The following LAMC2 variants were observed in gnomAD, a reference collection of about 807,000 sequenced individuals.
LAMC2 encodes the protein laminin subunit gamma 2, also known as laminin subunit gamma-2.
In LAMC2, 97 loss-of-function variants were observed where a neutral mutation model predicts 140.2. The ratio of observed to expected loss-of-function variants is 0.69; its 90% CI spans 0.59 to 0.82. The LOEUF is 0.82. Ranked by LOEUF, LAMC2 falls within the 40% of genes least tolerant of loss-of-function variation. The pLI is 0.00. For synonymous variants in LAMC2, 513 were observed against 540.2 expected, an observed-to-expected ratio of 0.95 and a Z score of 0.70; for missense variants, 1,402 against 1,476.1, an observed-to-expected ratio of 0.95 and a Z score of 0.82.
In LAMC2 at chr1:183,202,037, T is replaced by A. The variant is rs142131532; in HGVS notation, c.80-5844T>A. ...TAAAAATTTATTGACTTAAAAAAAA[T>A]ACTAAAATTAGCTGGGTATGGTGGT... On this transcript the variant is annotated intron_variant, in intron 1 of 22. Coordinates refer to ENST00000264144, the MANE Select transcript of LAMC2 (RefSeq NM_005562.3). 2.0e-5 allele frequency among the ~76,000 whole-genome samples: 3 copies of A among 151,828 alleles called. No individual in the cohort carries two copies. In the East Asian group the frequency reaches 5.8e-4, roughly 29 times the overall value.
intron 20 of LAMC2, 108 bp from the exon 21 acceptor site, chr1:183,239,932 T>G: frequency 8.3e-7 from 1 of 1,202,622 alleles, no homozygotes; most frequent in Non-Finnish European, 1.2e-6. Context: ...TCTAATTTAC[T>G]CCATCAGGGC....
chr1:183,215,708 A>C, intron 3 of LAMC2, 120 bp downstream of exon 3: 1 of 1,203,252 alleles, frequency 8.3e-7, no homozygotes, highest in Admixed American at 1.7e-5. Flanking sequence ...TTGAGAGTAC[A>C]TCATTTGGGC....
chr1:183,220,659 T>C (rs1305858555), intron 4 of LAMC2, among the ~76,000 whole-genome samples, 166 bp from the exon 5 acceptor site: 1 of 152,012 alleles, frequency 6.6e-6, no homozygotes, highest in Non-Finnish European at 1.5e-5. Flanking sequence ...ATTGTCCATC[T>C]GGTGGTCTGG....
At chr1:183,232,405 C>T (rs892936773) in intron 13 of LAMC2, 62 bp downstream of exon 13, 163 of 1,570,482 alleles carry the variant, frequency 1.0e-4, no homozygotes, top group Non-Finnish European at 1.3e-4. Context: ...GGAATGGCTA[C>T]GTTAGGTCAT....
chr1:183,256,672 T>C, the LAMC2 span, among the ~76,000 whole-genome samples: 2 of 152,336 alleles, frequency 1.3e-5, no homozygotes, highest in East Asian at 3.9e-4. Context: ...TGTATAAGCT[T>C]CATGTTGTGT....
In LAMC2 at chr1:183,188,221, T is replaced by A. The variant is rs140309242; in HGVS notation, c.79+1790T>A. ...TTCTCCCTCCTCAGAGGCCTTCATT[T>A]TTGGATTCAATGGGAATGTGAAGTT... On this transcript the variant is annotated intron_variant, in intron 1 of 22. Coordinates refer to ENST00000264144, the MANE Select transcript of LAMC2 (RefSeq NM_005562.3). 1.1e-3 allele frequency among the ~76,000 whole-genome samples: 167 copies of A among 152,264 alleles called. 1 individual carries two copies. The highest frequency in any genetic ancestry group is 3.9e-3 in the African/African-American group (164 of 41,542).
intron 12 of LAMC2, 87 bp downstream of exon 12, chr1:183,231,190 A>G (rs905791585): frequency 6.8e-7 from 1 of 1,472,440 alleles, no homozygotes; most frequent in African/African-American, 1.4e-5. Context: ...GATCTAGGAC[A>G]CTCCTAGTCT....
chr1:183,208,475 C>T (rs1459538430), intron 2 of LAMC2, among the ~76,000 whole-genome samples: 2 of 152,140 alleles, frequency 1.3e-5, no homozygotes, highest in Non-Finnish European at 2.9e-5. Context: ...ATTTGACCAA[C>T]CTCTTGAAAA....
At position 183,223,142 on chromosome 1, in the gene LAMC2, T is replaced by A; in HGVS notation, c.771T>A (p.Phe257Leu). ...DPVYFVAPAK[F>L]LGNQQVSYGQ... ...TAAAACTCTGTTTCACAGCCAAATTTCTTGGGAATCAACAGGTGAGCTATG... is the reference window on the plus strand; with the variant it reads ...TAAAACTCTGTTTCACAGCCAAATTACTTGGGAATCAACAGGTGAGCTATG... The change falls in exon 7 of 23, where the codon TTT (phenylalanine) becomes TTA (leucine). Residue 257 changes from phenylalanine (F) to leucine (L), a missense_variant. This residue lies in a region of LAMC2 where 723 missense variants were observed against 783.3 expected (regional missense o/e 0.92). Coordinates refer to ENST00000264144, the MANE Select transcript of LAMC2 (RefSeq NM_005562.3). The A allele has an allele frequency of 3.7e-6, 6 of 1,614,076 alleles. No homozygotes were observed. The highest frequency in any genetic ancestry group is 5.1e-6 in the Non-Finnish European group (6 of 1,179,992).
intron 3 of LAMC2, among the ~76,000 whole-genome samples, 180 bp from the exon 4 acceptor site, chr1:183,218,210 A>G (rs1473986698): frequency 1.3e-5 from 2 of 152,214 alleles, no homozygotes; most frequent in Non-Finnish European, 2.9e-5. Context: ...AGCACTGTGT[A>G]GGCAAGTGAG....
rs189822191 is a variant in LAMC2, at chr1:183,188,404, C to T, written c.79+1973C>T. 1.0e-3 allele frequency among the ~76,000 whole-genome samples: 159 copies of T among 152,282 alleles called. 1 individual carries two copies. Among genetic ancestry groups the T allele is most frequent in the African/African-American group, 3.6e-3 (151 of 41,556 alleles). ...AGAACCTAAAGCAGTGATGTTGCTT[C>T]CTGGTTGTTTCCTTGCAGTAGAAAT... is the stretch of plus-strand genomic sequence containing the variant. On this transcript the variant is annotated intron_variant, in intron 1 of 22. Transcript: ENST00000264144.
Position 183,200,290 on chromosome 1 carries a change from T to TGAG in LAMC2, c.80-7589_80-7587dup, listed in dbSNP as rs757554020. 2.0e-5 allele frequency among the ~76,000 whole-genome samples: 3 copies of TGAG among 151,910 alleles called. No homozygotes were observed. The East Asian group carries it at 5.8e-4, about 29-fold the overall frequency. ...CTGTAATCCCAGCTACTCGAGAGGC[T>TGAG]GAGGCAGGAGAATCACTTGAACCTG... is the stretch of plus-strand genomic sequence containing the variant. On this transcript the variant is annotated intron_variant, in intron 1 of 22. Transcript: ENST00000264144.
At chr1:183,252,681 T>C in the LAMC2 span, 1 of 1,614,146 alleles carries the variant, frequency 6.2e-7, no homozygotes, top group Non-Finnish European at 8.5e-7. Flanking sequence ...TTTGAGGATG[T>C]AGTCGATGAC....
chr1:183,252,929 T>C, the LAMC2 span, among the ~76,000 whole-genome samples: 1 of 152,238 alleles, frequency 6.6e-6, no homozygotes, highest in African/African-American at 2.4e-5. Context: ...TCATTCATCG[T>C]GGTTCTGCCA....
rs1160554965 is a variant in LAMC2, at chr1:183,240,040, G to A, written c.3070G>A (p.Glu1024Lys). The change falls in exon 21 of 23, where the codon GAG becomes AAG. Residue 1024 changes from glutamate (E) to lysine (K), a missense_variant and splice_region_variant. Physicochemically the swap from Glu to Lys is moderately conservative, Grantham distance 56. Around this residue, in one of 3 missense-constraint regions of LAMC2, gnomAD observed 670 missense variants for 667.2 expected, o/e 1.00. Coordinates refer to ENST00000264144, the MANE Select transcript of LAMC2 (RefSeq NM_005562.3). ...ALEISSEIEQ[E>K]IGSLNLEANV... is the part of the protein sequence containing the mutation. ...TCCCTGGCTCCTTTTCTTCTCTCAGGAGATTGGGAGTCTGAACTTGGAAGC... is the reference window on the plus strand; with the variant it reads ...TCCCTGGCTCCTTTTCTTCTCTCAGAAGATTGGGAGTCTGAACTTGGAAGC... 1.9e-6 allele frequency: 3 copies of A among 1,613,990 alleles called. No homozygotes were observed. The African/African-American group carries it at 4.0e-5, about 22-fold the overall frequency.
Position 183,223,138 on chromosome 1 carries a change from A to C in LAMC2, c.767A>C (p.Lys256Thr), listed in dbSNP as rs369832570. The stretch of plus-strand genomic sequence containing the variant: ...CTTTTAAAACTCTGTTTCACAGCCA[A>C]ATTTCTTGGGAATCAACAGGTGAGC... ...LDPVYFVAPA[K>T]FLGNQQVSYG... is the part of the protein sequence containing the mutation. The change falls in exon 7 of 23, where the codon AAA (lysine) becomes ACA (threonine). Residue 256 changes from lysine (K) to threonine (T), a missense_variant. By Grantham distance (78) the Lys-to-Thr change is moderately conservative. Transcript: ENST00000264144. 3 of 1,614,020 alleles carry C rather than the reference A, an allele frequency of 1.9e-6. No individual in the cohort carries two copies. Among genetic ancestry groups the C allele is most frequent in the Middle Eastern group, 1.7e-4 (1 of 6,054 alleles).
At chr1:183,237,607 G>A (rs565236458) in intron 18 of LAMC2, 103 bp downstream of exon 18, 145 of 1,171,394 alleles carry the variant, frequency 1.2e-4, no homozygotes, top group East Asian at 2.8e-4. Context: ...GACCAGGCAC[G>A]GTGACTTATC....
At chr1:183,189,817 G>T (rs537924723) in intron 1 of LAMC2, among the ~76,000 whole-genome samples, 6 of 152,326 alleles carry the variant, frequency 3.9e-5, no homozygotes, top group African/African-American at 1.4e-4. Flanking sequence ...AAAGAATGAG[G>T]ACTATCACTG....
chr1:183,216,887 C>A lies in LAMC2; in HGVS notation c.404+1299C>A, dbSNP rs568822616. The stretch of plus-strand genomic sequence containing the variant: ...GCCTGCTGCCCTTGCGATCCACACA[C>A]CTGACCTGGCATAGGACTCCTATGG... On this transcript the variant is annotated intron_variant, in intron 3 of 22. Transcript: ENST00000264144. 5.3e-5 allele frequency among the ~76,000 whole-genome samples: 8 copies of A among 152,298 alleles called. No individual in the cohort carries two copies. In the East Asian group the frequency reaches 1.4e-3, roughly 26 times the overall value.
Sources: gnomAD v4.1 joint callset for allele counts (sites outside exome capture counted in the v4.1 genomes callset) on GRCh38, gnomAD v4.1.1 for gene constraint, gnomAD v4.1.1 regional missense constraint, MANE v1.5 for transcripts, NCBI Gene and HGNC (gene_info 2026-07-23, HGNC 2026-07-21) for gene names.